MBTD1: variants seen among roughly 807,000 people sequenced by gnomAD.
The protein encoded by MBTD1 is mbt domain containing 1, also known as MBT domain-containing protein 1.
A neutral mutation model predicts 87.8 loss-of-function variants in MBTD1; 24 were observed. The observed-to-expected ratio is 0.27, with a 90% CI of 0.20 to 0.38. MBTD1 has a LOEUF of 0.38. MBTD1 is among the 10% of genes least tolerant of loss of function. MBTD1 has a pLI of 1.00. For missense variants in MBTD1, 436 were observed against 760.2 expected (o/e 0.57, Z 5.02); for synonymous variants, 237 against 248.6 (o/e 0.95, Z 0.44).
chr17:51,192,599 A>G (rs2050865999), intron 15 of MBTD1, 183 bp downstream of exon 15: 1 of 1,072,204 alleles, frequency 9.3e-7, no homozygotes, highest in South Asian at 1.7e-5. Context: ...TTGGATTCAC[A>G]TTGCCATGGG....
intron 6 of MBTD1, chr17:51,209,287 A>G: frequency 2.2e-6 from 1 of 457,712 alleles, no homozygotes; most frequent in Non-Finnish European, 4.6e-6. Context: ...TAGCAGAACC[A>G]TAATTTACAG....
intron 2 of MBTD1, among the ~76,000 whole-genome samples, chr17:51,247,406 T>C (rs551156308): frequency 6.6e-6 from 1 of 152,156 alleles, no homozygotes; most frequent in East Asian, 1.9e-4. Flanking sequence ...TTTCATTTTT[T>C]GAGCTATCTT....
intron 2 of MBTD1, among the ~76,000 whole-genome samples, chr17:51,248,951 A>G (rs2144161025): frequency 6.6e-6 from 1 of 152,308 alleles, no homozygotes; most frequent in South Asian, 2.1e-4. Flanking sequence ...TTCTGTGTTT[A>G]AAAAGAACAT....
intron 16 of MBTD1, among the ~76,000 whole-genome samples, chr17:51,181,115 G>A (rs528120586): frequency 4.0e-5 from 6 of 149,300 alleles, no homozygotes; most frequent in African/African-American, 1.2e-4. Flanking sequence ...TCCGCTTCCC[G>A]GTTCAAGCGG....
chr17:51,216,228 G>A (rs764258947), intron 6 of MBTD1, among the ~76,000 whole-genome samples: 8 of 152,054 alleles, frequency 5.3e-5, no homozygotes, highest in Non-Finnish European at 1.0e-4. Flanking sequence ...CACCGTGCCC[G>A]GCCTAGAGCC....
intron 1 of MBTD1, among the ~76,000 whole-genome samples, chr17:51,259,551 G>A (rs1178590285): frequency 3.3e-5 from 5 of 152,120 alleles, no homozygotes; most frequent in Non-Finnish European, 7.4e-5. Flanking sequence ...AGCAGGGGGC[G>A]GGGGCAGGAC....
At position 51,222,470 on chromosome 17, in the gene MBTD1, T is replaced by C. The variant is rs141196721; in HGVS notation, c.155-2007A>G. Among the ~76,000 whole-genome samples the C allele has an allele frequency of 8.5e-5, 13 of 152,280 alleles. No individual in the cohort carries two copies. In the East Asian group the frequency reaches 2.5e-3, roughly 29 times the overall value. ...CCCAGGCTGGAGTGCAGTGGCACCATCTCGGCTCACTACAACCTCCGCCTT... is the reference window on the plus strand; with the variant it reads ...CCCAGGCTGGAGTGCAGTGGCACCACCTCGGCTCACTACAACCTCCGCCTT... On this transcript the variant is annotated intron_variant, in intron 3 of 16. Transcript: ENST00000586178.
In MBTD1 at chr17:51,202,858, T is replaced by C. The variant is rs1050451416; in HGVS notation, c.906A>G (p.Thr302=). ...TTACACTTTCCACCACTGCTACTCG[T>C]GTTCGACACAAATGCCTCTTGTCAA... ...EVVDKRHLCR[T]RVAVVESVIG... Residue 302 remains threonine (T), a synonymous_variant, in exon 10 of 17, where the codon ACA becomes ACG. Transcript: ENST00000586178. 14 of 1,614,210 alleles carry C rather than the reference T, an allele frequency of 8.7e-6. No individual in the cohort carries two copies. The highest frequency in any genetic ancestry group is 1.7e-5 in the Admixed American group (1 of 60,028).
chr17:51,213,163 T>G (rs1414031994), intron 6 of MBTD1, among the ~76,000 whole-genome samples: 2 of 152,160 alleles, frequency 1.3e-5, no homozygotes, highest in Non-Finnish European at 2.9e-5. Flanking sequence ...TTCAGCCTCC[T>G]GAGTAGCTGG....
intron 16 of MBTD1, 110 bp from the exon 17 acceptor site, chr17:51,180,804 C>G (rs2050271697): frequency 1.8e-5 from 12 of 674,358 alleles, no homozygotes; most frequent in South Asian, 1.5e-4. Context: ...TTCTTCATTT[C>G]TTCAGTTAAT....
intron 2 of MBTD1, among the ~76,000 whole-genome samples, chr17:51,247,848 A>C (rs966592285): frequency 6.6e-6 from 1 of 152,228 alleles, no homozygotes; most frequent in African/African-American, 2.4e-5. Context: ...CTGTGAAACC[A>C]TCTAGGCCTG....
At chr17:51,219,359 T>C (rs1323718691) in intron 4 of MBTD1, among the ~76,000 whole-genome samples, 2 of 152,208 alleles carry the variant, frequency 1.3e-5, no homozygotes, top group Non-Finnish European at 2.9e-5. Context: ...CTTCTTACAG[T>C]AGATAGAACC....
At chr17:51,247,810 C>CG (rs1268404348) in intron 2 of MBTD1, among the ~76,000 whole-genome samples, 1 of 152,182 alleles carries the variant, frequency 6.6e-6, no homozygotes, top group Non-Finnish European at 1.5e-5. Context: ...CATGTAGCAT[C>CG]GGGAGTATCT....
chr17:51,245,589 A>C (rs1015781724), intron 2 of MBTD1, among the ~76,000 whole-genome samples: 1 of 151,920 alleles, frequency 6.6e-6, no homozygotes, highest in Non-Finnish European at 1.5e-5. Context: ...CCAAATGGCT[A>C]TCTAGTTGCG....
At chr17:51,226,485 A>G in intron 2 of MBTD1, among the ~76,000 whole-genome samples, 1 of 151,700 alleles carries the variant, frequency 6.6e-6, no homozygotes. Context: ...CCTGTGTGAC[A>G]GAGAGAGACC....
chr17:51,192,347 G>T, intron 15 of MBTD1, 67 bp from the exon 16 acceptor site: 1 of 1,084,312 alleles, frequency 9.2e-7, no homozygotes, highest in Non-Finnish European at 1.4e-6. Flanking sequence ...CAGTTGTCTA[G>T]ATACAACTTA....
rs1342705064 is a variant in MBTD1 at position 51,195,293 on chromosome 17, G to C, written c.1293C>G (p.Phe431Leu). The C allele has an allele frequency of 1.9e-6, 3 of 1,613,234 alleles. No homozygotes were observed. In the East Asian group the frequency reaches 6.7e-5, roughly 36 times the overall value. Residue 431 changes from phenylalanine (F) to leucine (L), a missense_variant, in exon 13 of 17, where the codon TTC becomes TTG. Transcript: ENST00000586178. ...TAGAAGGAGAGGTTGCATGGTAACA[G>C]AACCAGTCAGATCCGTCTGCTGCTT... ...GSEAADGSDW[F>L]CYHATSPSIF...
At chr17:51,201,731 A>T (rs920447785) in intron 11 of MBTD1, 35 bp from the exon 12 acceptor site, 7 of 1,315,318 alleles carry the variant, frequency 5.3e-6, no homozygotes, top group Non-Finnish European at 7.6e-6. Context: ...CTACTGTTAC[A>T]AATGTTGTTA....
chr17:51,250,483 C>G (rs2054714165), intron 2 of MBTD1: 1 of 152,178 alleles, frequency 6.6e-6, no homozygotes, highest in Non-Finnish European at 1.5e-5. Context: ...TTCTGCAGCC[C>G]TAATACCTGG....
Sources: gnomAD v4.1 joint callset for allele counts (sites outside exome capture counted in the v4.1 genomes callset) on GRCh38, gnomAD v4.1.1 for gene constraint, MANE v1.5 for transcripts, NCBI Gene and HGNC (gene_info 2026-07-23, HGNC 2026-07-21) for gene names.